The following ABCG1 variants were observed in gnomAD, a reference collection of about 807,000 sequenced individuals.
ABCG1 encodes ATP binding cassette subfamily G member 1, also known as ATP-binding cassette sub-family G member 1.
ABCG1 carries 29 observed loss-of-function variants against 69.2 expected under a neutral mutation model. The ratio of observed to expected loss-of-function variants is 0.42; its 90% CI spans 0.31 to 0.57. The LOEUF (loss-of-function observed/expected upper bound fraction) is 0.57. ABCG1 is among the 20% of genes least tolerant of loss of function. The probability of loss-of-function intolerance (pLI) is 0.15; values close to 1 mark genes in which losing one functional copy is unlikely to be tolerated. For synonymous variants in ABCG1, 370 were observed against 374.8 expected, an observed-to-expected ratio of 0.99 and a Z score of 0.15; for missense variants, 718 against 898.1, an observed-to-expected ratio of 0.80 and a Z score of 2.56.
upstream of ABCG1, among the ~76,000 whole-genome samples, chr21:42,216,690 T>G (rs982909069): frequency 1.3e-5 from 2 of 152,204 alleles, no homozygotes; most frequent in Admixed American, 1.3e-4. Context: ...TTGGTCCCAG[T>G]AGTCCTGAAA....
intron 2 of ABCG1, among the ~76,000 whole-genome samples, chr21:42,208,547 T>A (rs2067561416): frequency 6.6e-6 from 1 of 152,206 alleles, no homozygotes; most frequent in African/African-American, 2.4e-5. Context: ...TCTGCCCATT[T>A]GGAATAGGTT....
chr21:42,277,493 A>T (rs1410498039), intron 5 of ABCG1, among the ~76,000 whole-genome samples: 1 of 151,876 alleles, frequency 6.6e-6, no homozygotes, highest in Non-Finnish European at 1.5e-5. Flanking sequence ...TCCTAAACCC[A>T]GGGAGCAGGG....
In ABCG1 at chr21:42,219,894, A is replaced by G. The variant is rs1432792671; in HGVS notation, c.42+590A>G. On this transcript the variant is annotated intron_variant, in intron 1 of 14. Transcript: ENST00000398449. The surrounding 1 kb of genome is among the most constrained non-coding windows in gnomAD (Gnocchi z 5.3). ...GAGGCGGCGGCGAAGGCCCGGGGAG[A>G]CCCGCGAGGGGCAAGCCCGGATTCC... 3 of 1,545,996 alleles carry G rather than the reference A, an allele frequency of 1.9e-6. No homozygotes were observed. Among genetic ancestry groups the G allele is most frequent in the Non-Finnish European group, 2.6e-6 (3 of 1,145,702 alleles).
At chr21:42,254,675 G>T (rs1293682080) in intron 2 of ABCG1, among the ~76,000 whole-genome samples, 1 of 152,254 alleles carries the variant, frequency 6.6e-6, no homozygotes, top group Non-Finnish European at 1.5e-5. Flanking sequence ...GCATTAGGGG[G>T]AAGAAACAAG....
chr21:42,296,159 C>A lies in ABCG1; in HGVS notation c.1773-5C>A, dbSNP rs575076308. On this transcript the variant is annotated splice_region_variant and splice_polypyrimidine_tract_variant and intron_variant, in intron 14 of 14. Transcript: ENST00000398449. This position sits in a 1 kb window ranked among gnomAD's most constrained non-coding sequence, Gnocchi z 5.4. ...TCCTCCCTCATGCCTGGCCTTTCCT[C>A]CTAGGTATGGGTTCGAAGGGGTCAT... is the stretch of plus-strand genomic sequence containing the variant. 6.2e-7 allele frequency: 1 copy of A among 1,613,104 alleles called. No homozygotes were observed. Among genetic ancestry groups the A allele is most frequent in the South Asian group, 1.1e-5 (1 of 91,066 alleles).
At chr21:42,256,488 T>G in intron 2 of ABCG1, 1 of 1,550,158 alleles carries the variant, frequency 6.5e-7, no homozygotes, top group Non-Finnish European at 8.7e-7. Flanking sequence ...TGGCTACAGA[T>G]GGCTGTGGCT....
At chr21:42,202,301 A>G (rs1324524591) in intron 2 of ABCG1, among the ~76,000 whole-genome samples, 2 of 152,212 alleles carry the variant, frequency 1.3e-5, no homozygotes, top group African/African-American at 2.4e-5. Flanking sequence ...GAAAACCTGA[A>G]TATTGAAATA....
At chr21:42,243,556 A>G (rs1426497752) in intron 2 of ABCG1, among the ~76,000 whole-genome samples, 2 of 151,032 alleles carry the variant, frequency 1.3e-5, no homozygotes, top group African/African-American at 2.4e-5. Context: ...TATTTGTAAA[A>G]CCTGTTCAAG....
upstream of ABCG1, chr21:42,219,066 C>G: frequency 3.1e-6 from 1 of 319,968 alleles, no homozygotes; most frequent in Non-Finnish European, 5.1e-6. This position sits in a 1 kb window ranked among gnomAD's most constrained non-coding sequence, Gnocchi z 5.3. Context: ...CGCCCGCCCC[C>G]TTGGTGCCGG....
intron 4 of ABCG1, among the ~76,000 whole-genome samples, chr21:42,275,899 C>G (rs2068701160): frequency 6.6e-6 from 1 of 152,218 alleles, no homozygotes; most frequent in Admixed American, 6.5e-5. Flanking sequence ...ATCCTTGCAG[C>G]CAGGCAGACT....
rs771527268 is a variant in ABCG1 at position 42,284,622 on chromosome 21, G to A, written c.797G>A (p.Gly266Asp). ...VSLMKGLAQG[G>D]RSIICTIHQP... The stretch of plus-strand genomic sequence containing the variant: ...CTGATGAAAGGGCTCGCTCAAGGGG[G>A]TCGCTCCATCATTTGCACCATCCAC... The change falls in exon 7 of 15, where the codon GGT becomes GAT. Residue 266 changes from glycine (G) to aspartate (D), a missense_variant. Transcript: ENST00000398449. 3.1e-5 allele frequency: 50 copies of A among 1,613,888 alleles called. No homozygotes were observed. The highest frequency in any genetic ancestry group is 4.1e-5 in the Non-Finnish European group (48 of 1,180,042).
At chr21:42,275,382 T>C (rs2068691416) in intron 4 of ABCG1, among the ~76,000 whole-genome samples, 1 of 152,176 alleles carries the variant, frequency 6.6e-6, no homozygotes, top group Non-Finnish European at 1.5e-5. Flanking sequence ...CAAATGGATG[T>C]TCAGATGGGG....
intron 2 of ABCG1, chr21:42,260,034 C>A (rs183398244): frequency 6.5e-7 from 1 of 1,549,380 alleles, no homozygotes. Context: ...CCAGGGAGGG[C>A]CCCATCACCT....
intron 3 of ABCG1, among the ~76,000 whole-genome samples, chr21:42,272,554 A>G (rs2068634676): frequency 6.6e-6 from 1 of 152,246 alleles, no homozygotes; most frequent in South Asian, 2.1e-4. Context: ...TCTAGGAGGT[A>G]GGGCTAGAGA....
intron 2 of ABCG1, among the ~76,000 whole-genome samples, chr21:42,260,384 C>A (rs762983374): frequency 5.5e-4 from 84 of 152,308 alleles, no homozygotes; most frequent in Non-Finnish European, 8.7e-4. Flanking sequence ...AAACACAAGC[C>A]GGGGAGCCTG....
At chr21:42,275,131 G>T in intron 4 of ABCG1, among the ~76,000 whole-genome samples, 1 of 152,168 alleles carries the variant, frequency 6.6e-6, no homozygotes, top group South Asian at 2.1e-4. Flanking sequence ...TCTGAGAGTG[G>T]CACGTGAAGG....
intron 4 of ABCG1, among the ~76,000 whole-genome samples, chr21:42,275,102 A>C (rs1480048619): frequency 6.6e-6 from 1 of 152,120 alleles, no homozygotes; most frequent in Non-Finnish European, 1.5e-5. Context: ...GGGTTGGGCA[A>C]AGCTTCTTCC....
intron 2 of ABCG1, among the ~76,000 whole-genome samples, chr21:42,239,428 A>G (rs2068019645): frequency 6.6e-6 from 1 of 152,252 alleles, no homozygotes; most frequent in Admixed American, 6.5e-5. Context: ...TCTAAATGTG[A>G]AGTGTGGCTT....
chr21:42,257,582 C>G (rs942459564), intron 2 of ABCG1, among the ~76,000 whole-genome samples: 1 of 152,122 alleles, frequency 6.6e-6, no homozygotes, highest in East Asian at 1.9e-4. Flanking sequence ...GGGGAAGGAC[C>G]GTACTGAGAG....
Sources: gnomAD v4.1 joint callset for allele counts (sites outside exome capture counted in the v4.1 genomes callset) on GRCh38, gnomAD v4.1.1 for gene constraint, Gnocchi (gnomAD v3.1) non-coding constraint, MANE v1.5 for transcripts, NCBI Gene and HGNC (gene_info 2026-07-23, HGNC 2026-07-21) for gene names.